The following MYH14 variants were observed in gnomAD, a reference collection of about 807,000 sequenced individuals.
MYH14 encodes the protein myosin heavy chain 14.
Under a neutral mutation model 255.5 loss-of-function variants are expected in MYH14, and 123 were observed. That is an observed-to-expected ratio of 0.48 (90% confidence interval 0.42 to 0.56). The LOEUF (loss-of-function observed/expected upper bound fraction) is 0.56, where lower values mean the gene tolerates loss of function less well. Ranked by LOEUF, MYH14 falls within the 20% of genes least tolerant of loss-of-function variation. MYH14 has a pLI of 0.00. For synonymous variants in MYH14, 1,095 were observed against 1,161.2 expected, an observed-to-expected ratio of 0.94 and a Z score of 1.16; for missense variants, 2,423 against 2,802.3, an observed-to-expected ratio of 0.86 and a Z score of 3.06.
chr19:50,288,997 G>C (rs575765013), intron 34 of MYH14, among the ~76,000 whole-genome samples: 1 of 152,056 alleles, frequency 6.6e-6, no homozygotes, highest in Non-Finnish European at 1.5e-5. Context: ...TAGTGGGTCG[G>C]TGACACCCTG....
chr19:50,216,384 G>T (rs189723040), intron 2 of MYH14, among the ~76,000 whole-genome samples: 195 of 152,114 alleles, frequency 1.3e-3, no homozygotes, highest in Admixed American at 2.4e-3. Context: ...GGGAGAATTA[G>T]TTGAGCCCAG....
At chr19:50,275,892 G>A (rs930494238) in intron 27 of MYH14, 99 bp from the exon 28 acceptor site, 52 of 905,998 alleles carry the variant, frequency 5.7e-5, no homozygotes, top group Non-Finnish European at 8.1e-5. Context: ...CCTGGGACTG[G>A]CCACTCCCAA....
chr19:50,235,850 C>T (rs1024633879), intron 10 of MYH14, among the ~76,000 whole-genome samples: 3 of 152,028 alleles, frequency 2.0e-5, no homozygotes, highest in Admixed American at 1.3e-4. Context: ...CTCTGGACCC[C>T]CTCTCCACTG....
chr19:50,310,367 G>C lies in MYH14; in HGVS notation c.*577G>C, dbSNP rs1439838976. The C allele has an allele frequency of 1.2e-5, 2 of 161,454 alleles. No homozygotes were observed. The highest frequency in any genetic ancestry group is 2.7e-5 in the Non-Finnish European group (2 of 74,692). 10.0% of individuals were successfully genotyped at this position (161,454 alleles called of 1,614,324 possible). A position where few individuals can be genotyped will look rare whatever the true frequency, so the allele number is the denominator to read the frequency against. On this transcript the variant is annotated 3_prime_UTR_variant, in exon 43 of 43. Coordinates refer to ENST00000642316, the MANE Select transcript of MYH14 (RefSeq NM_001145809.2). The stretch of plus-strand genomic sequence containing the variant: ...GAAGCCCCAGGCCTCCACCAGCCTT[G>C]AACCCTTGCAAAGGGGCAGGACAAG...
At position 50,230,728 on chromosome 19, in the gene MYH14, C is replaced by G. The variant is rs2033336965; in HGVS notation, c.973+105C>G. ...AGCAAGAGTGGGGGGCTCTAATATCCGTCAAACACCGACTTCGCATGAGGC... is the reference window on the plus strand; with the variant it reads ...AGCAAGAGTGGGGGGCTCTAATATCGGTCAAACACCGACTTCGCATGAGGC... On this transcript the variant is annotated intron_variant, in intron 9 of 42. Coordinates refer to ENST00000642316, the MANE Select transcript of MYH14 (RefSeq NM_001145809.2). The surrounding 1 kb of genome is among the most constrained non-coding windows in gnomAD (Gnocchi z 4.7). 11 of 901,448 alleles carry G rather than the reference C, an allele frequency of 1.2e-5. 1 individual carries two copies. In the South Asian group the frequency reaches 1.7e-4, roughly 14 times the overall value. 55.8% of individuals were successfully genotyped at this position (901,448 alleles called of 1,614,324 possible). A position where few individuals can be genotyped will look rare whatever the true frequency, so the allele number is the denominator to read the frequency against.
intron 19 of MYH14, among the ~76,000 whole-genome samples, chr19:50,260,192 C>G (rs1179992262): frequency 6.6e-6 from 1 of 152,100 alleles, no homozygotes; most frequent in Admixed American, 6.5e-5. Flanking sequence ...TTTGGGAGGC[C>G]GAGGCGGGTG....
intron 2 of MYH14, among the ~76,000 whole-genome samples, chr19:50,212,860 A>G (rs967287849): frequency 1.5e-4 from 23 of 152,100 alleles, no homozygotes; most frequent in Admixed American, 9.8e-4. Flanking sequence ...CCTGGAAAAG[A>G]GGCCTCTACA....
In MYH14 at chr19:50,292,470, CT is replaced by C. The variant is rs1487637601; in HGVS notation, c.5256+82del. On this transcript the variant is annotated intron_variant, in intron 37 of 42. Transcript: ENST00000642316. ...AACCTTGAGGTCCCTGGATGTGAAG[CT>C]GGGGAGGTGGGCGGGGCTAACCACA... 7.9e-6 allele frequency: 8 copies of C among 1,008,264 alleles called. No individual in the cohort carries two copies. In the South Asian group the frequency reaches 1.7e-4, roughly 22 times the overall value. The allele number at this position is 1,008,264 out of a possible 1,614,324, so 62.5% of individuals were successfully genotyped here. A position where few individuals can be genotyped will look rare whatever the true frequency, so the allele number is the denominator to read the frequency against.
Position 50,281,765 on chromosome 19 carries a change from G to A in MYH14, c.4462G>A (p.Asp1488Asn). The change falls in exon 33 of 43, where the codon GAC becomes AAC. Residue 1488 changes from aspartate to asparagine, a missense_variant. Physicochemically the swap from Asp to Asn is conservative, Grantham distance 23 (BLOSUM62 1). This residue lies in a region of MYH14 where 1,513 missense variants were observed against 1,674.8 expected (regional missense o/e 0.90). Transcript: ENST00000642316. ...CCGCCGCCGGCTGCAGCAGGAGCTGGACGACGCCACCATGGACCTGGAGCA... is the reference window on the plus strand; with the variant it reads ...CCGCCGCCGGCTGCAGCAGGAGCTGAACGACGCCACCATGGACCTGGAGCA... ...RGRRRLQQEL[D>N]DATMDLEQQR... 6.2e-7 allele frequency: 1 copy of A among 1,612,562 alleles called. No individual in the cohort carries two copies. Among genetic ancestry groups the A allele is most frequent in the Non-Finnish European group, 8.5e-7 (1 of 1,179,768 alleles).
In MYH14 at chr19:50,302,932, AAAAC is replaced by A. The variant is rs550329521; in HGVS notation, c.5678+1071_5678+1074del. On this transcript the variant is annotated intron_variant, in intron 40 of 42. Coordinates refer to ENST00000642316, the MANE Select transcript of MYH14 (RefSeq NM_001145809.2). ...GAAAAAAAAAGAAAAAGAAAAAGAAAAAACAAACAAAGTGTGTAAATATATGTAA... is the reference window on the plus strand; with the variant it reads ...GAAAAAAAAAGAAAAAGAAAAAGAAAAAACAAAGTGTGTAAATATATGTAA... Among the ~76,000 whole-genome samples, 119 of 152,340 alleles carry A rather than the reference AAAAC, an allele frequency of 7.8e-4. 2 individuals are homozygous for A. The highest frequency in any genetic ancestry group is 4.8e-4 in the African/African-American group (20 of 41,580).
At position 50,257,478 on chromosome 19, in the gene MYH14, G is replaced by A. The variant is rs1031566547; in HGVS notation, c.2224G>A (p.Glu742Lys). 14 of 1,601,262 alleles carry A rather than the reference G, an allele frequency of 8.7e-6. No homozygotes were observed. Among genetic ancestry groups the A allele is most frequent in the African/African-American group, 2.7e-5 (2 of 74,728 alleles). Reference protein sequence around the residue: ...SFVRCIVPNHEKRAGKLEPRL... With the variant: ...SFVRCIVPNHKKRAGKLEPRL... ...TGTCCGCTGCATTGTCCCCAACCAC[G>A]AGAAGAGGGTGAGTGACTCAGCCTG... Residue 742 changes from glutamate (E) to lysine (K), a missense_variant, in exon 18 of 43, where the codon GAG (glutamate) becomes AAG (lysine). Physicochemically the swap from Glu to Lys is moderately conservative, Grantham distance 56. Around this residue, in one of 3 missense-constraint regions of MYH14, gnomAD observed 672 missense variants for 881.8 expected, o/e 0.76. Transcript: ENST00000642316.
At position 50,210,344 on chromosome 19, in the gene MYH14, T is replaced by C; in HGVS notation, c.-3-19T>C. On this transcript the variant is annotated intron_variant, in intron 1 of 42. Coordinates refer to ENST00000642316, the MANE Select transcript of MYH14 (RefSeq NM_001145809.2). Reference sequence around the variant, plus strand: ...ACGGAGCCCCATCTGACCCCCACCCTCTTTCTTTGCCCCTGCAGACCATGG... The same window carrying C: ...ACGGAGCCCCATCTGACCCCCACCCCCTTTCTTTGCCCCTGCAGACCATGG... The C allele has an allele frequency of 1.3e-6, 2 of 1,572,746 alleles. No homozygotes were observed. Among genetic ancestry groups the C allele is most frequent in the East Asian group, 4.8e-5 (2 of 41,878 alleles).
At chr19:50,226,489 G>A (rs1229159369) in intron 7 of MYH14, among the ~76,000 whole-genome samples, 1 of 150,340 alleles carries the variant, frequency 6.7e-6, no homozygotes, top group African/African-American at 2.4e-5. Flanking sequence ...AGGGAGGAGG[G>A]GCTGGTGGCC....
intron 10 of MYH14, among the ~76,000 whole-genome samples, chr19:50,233,830 A>G (rs1273081935): frequency 2.3e-3 from 16 of 7,074 alleles, no homozygotes; most frequent in South Asian, 4.5e-3. Flanking sequence ...CCCCCGCCCC[A>G]ACCTTTTTGT....
intron 1 of MYH14, among the ~76,000 whole-genome samples, chr19:50,207,064 A>G (rs2031801983): frequency 7.4e-6 from 1 of 134,366 alleles, no homozygotes; most frequent in Admixed American, 7.1e-5. Flanking sequence ...AAAAAAAAAA[A>G]AAAAAAAAAA....
At chr19:50,239,527 A>G (rs1254722420) in intron 10 of MYH14, among the ~76,000 whole-genome samples, 1 of 151,446 alleles carries the variant, frequency 6.6e-6, no homozygotes, top group East Asian at 1.9e-4. Flanking sequence ...CTGACCTCCC[A>G]CCCCCACTCA....
Position 50,308,988 on chromosome 19 carries a change from C to G in MYH14, c.5788-17C>G. 2.5e-6 allele frequency: 4 copies of G among 1,598,868 alleles called. No homozygotes were observed. Among genetic ancestry groups the G allele is most frequent in the Non-Finnish European group, 3.4e-6 (4 of 1,172,578 alleles). On this transcript the variant is annotated splice_polypyrimidine_tract_variant and intron_variant, in intron 41 of 42. Transcript: ENST00000642316. ...CAGTACCTGGAGATATAACCCAGTC[C>G]CCCTGCTTCCATCAAGCTGGAGAAG...
At chr19:50,215,601 C>T (rs923376634) in intron 2 of MYH14, among the ~76,000 whole-genome samples, 7 of 152,136 alleles carry the variant, frequency 4.6e-5, no homozygotes, top group Non-Finnish European at 1.0e-4. Flanking sequence ...TCACTTGAGC[C>T]AGGGGTTCAA....
At chr19:50,228,235 G>A (rs530501114) in intron 8 of MYH14, among the ~76,000 whole-genome samples, 72 of 150,276 alleles carry the variant, frequency 4.8e-4, no homozygotes, top group South Asian at 8.4e-4. Flanking sequence ...GCAGTGAGCC[G>A]AGATCACGCC....
Sources: gnomAD v4.1 joint callset for allele counts (sites outside exome capture counted in the v4.1 genomes callset) on GRCh38, gnomAD v4.1.1 for gene constraint, gnomAD v4.1.1 regional missense constraint, Gnocchi (gnomAD v3.1) non-coding constraint, MANE v1.5 for transcripts, NCBI Gene and HGNC (gene_info 2026-07-23, HGNC 2026-07-21) for gene names.